The following GALNTL6 variants were observed in gnomAD, a reference collection of about 807,000 sequenced individuals.
The protein encoded by GALNTL6 is polypeptide N-acetylgalactosaminyltransferase like 6.
Under a neutral mutation model 73.7 loss-of-function variants are expected in GALNTL6, and 46 were observed. That is an observed-to-expected ratio of 0.62 (90% CI 0.49 to 0.80). The LOEUF (loss-of-function observed/expected upper bound fraction) is 0.80. Ranked by LOEUF, GALNTL6 falls within the 30% of genes least tolerant of loss-of-function variation. GALNTL6 has a pLI of 0.00. For synonymous variants in GALNTL6, 259 were observed against 263.7 expected, an observed-to-expected ratio of 0.98 and a Z score of 0.17; for missense variants, 604 against 755.0, an observed-to-expected ratio of 0.80 and a Z score of 2.34.
intron 2 of GALNTL6, among the ~76,000 whole-genome samples, chr4:171,847,870 C>G (rs975591023): frequency 6.6e-6 from 1 of 152,120 alleles, no homozygotes; most frequent in African/African-American, 2.4e-5. Flanking sequence ...CAAAGTCATC[C>G]ATGAGCATTG....
At chr4:172,036,026 A>G (rs1323729685) in intron 2 of GALNTL6, among the ~76,000 whole-genome samples, 13 of 152,108 alleles carry the variant, frequency 8.5e-5, no homozygotes, top group Admixed American at 5.9e-4. Flanking sequence ...ATTTCAGAAA[A>G]TTTTGTTAAC....
At chr4:172,882,951 A>G in intron 8 of GALNTL6, 44 bp downstream of exon 8, 2 of 1,036,448 alleles carry the variant, frequency 1.9e-6, no homozygotes, top group South Asian at 2.8e-5. Context: ...TATAATTTTG[A>G]CAATTCTGAT....
chr4:171,823,331 C>T (rs1012953776), intron 2 of GALNTL6, among the ~76,000 whole-genome samples: 3 of 151,892 alleles, frequency 2.0e-5, no homozygotes, highest in African/African-American at 7.3e-5. Context: ...GGCTGATGCC[C>T]TGAGAGATTG....
intron 3 of GALNTL6, among the ~76,000 whole-genome samples, chr4:172,278,297 C>T (rs1388096852): frequency 6.6e-6 from 1 of 152,050 alleles, no homozygotes; most frequent in Non-Finnish European, 1.5e-5. Flanking sequence ...AAAAAGCACG[C>T]CTTTTGTTTT....
chr4:172,168,917 C>A (rs955388289), intron 2 of GALNTL6, among the ~76,000 whole-genome samples: 1 of 151,916 alleles, frequency 6.6e-6, no homozygotes, highest in Non-Finnish European at 1.5e-5. Context: ...TATATCATAC[C>A]CCAAACATCA....
At chr4:171,960,791 T>A (rs1739199591) in intron 2 of GALNTL6, among the ~76,000 whole-genome samples, 1 of 151,458 alleles carries the variant, frequency 6.6e-6, no homozygotes, top group Non-Finnish European at 1.5e-5. Flanking sequence ...TGTGACAATC[T>A]GGTGTTGAAC....
intron 5 of GALNTL6, among the ~76,000 whole-genome samples, chr4:172,805,987 A>C (rs1740935455): frequency 6.6e-6 from 1 of 152,212 alleles, no homozygotes; most frequent in Non-Finnish European, 1.5e-5. Context: ...TTTTAAAATA[A>C]GAAAAAGAGA....
Position 172,438,000 on chromosome 4 carries a change from T to C in GALNTL6, c.553+89311T>C, listed in dbSNP as rs76999680. On this transcript the variant is annotated intron_variant, in intron 5 of 12. Transcript: ENST00000506823. ...TTCACTCCTTTCTTCAAGAGGATAT[T>C]AATCAAAAGCCCTCATATTTGCAAG... 7.4e-3 allele frequency among the ~76,000 whole-genome samples: 1,127 copies of C among 152,236 alleles called. 19 individuals are homozygous for C. Among genetic ancestry groups the C allele is most frequent in the African/African-American group, 0.025 (1,059 of 41,550 alleles).
intron 2 of GALNTL6, among the ~76,000 whole-genome samples, chr4:172,136,295 T>C (rs1040533701): frequency 2.0e-5 from 3 of 152,112 alleles, no homozygotes; most frequent in Non-Finnish European, 2.9e-5. Context: ...CTAGATCACA[T>C]TGAAAAATGC....
At chr4:172,905,056 T>C (rs1267484047) in intron 8 of GALNTL6, among the ~76,000 whole-genome samples, 1 of 152,202 alleles carries the variant, frequency 6.6e-6, no homozygotes, top group African/African-American at 2.4e-5. Context: ...TCTATGGCGA[T>C]GATAACTATA....
chr4:172,802,459 A>G (rs1257666965), intron 5 of GALNTL6, among the ~76,000 whole-genome samples: 1 of 152,144 alleles, frequency 6.6e-6, no homozygotes, highest in Non-Finnish European at 1.5e-5. Flanking sequence ...AGTTGTATTG[A>G]GAGTCTAAAG....
intron 5 of GALNTL6, among the ~76,000 whole-genome samples, chr4:172,408,187 G>A (rs902949716): frequency 6.6e-6 from 1 of 152,004 alleles, no homozygotes; most frequent in African/African-American, 2.4e-5. Flanking sequence ...TATTATGTGA[G>A]AATAGTGGAA....
At chr4:172,886,439 G>T (rs149773091) in intron 8 of GALNTL6, among the ~76,000 whole-genome samples, 1 of 152,062 alleles carries the variant, frequency 6.6e-6, no homozygotes, top group Admixed American at 6.6e-5. Flanking sequence ...TCCATTCTTA[G>T]TCTGGCTAAA....
At chr4:172,258,354 A>C (rs1478038501) in intron 3 of GALNTL6, among the ~76,000 whole-genome samples, 1 of 151,252 alleles carries the variant, frequency 6.6e-6, no homozygotes, top group African/African-American at 2.4e-5. Context: ...GAAGTTGCAC[A>C]CAAACACGTT....
chr4:173,038,417 G>A (rs1017408129), intron 12 of GALNTL6, among the ~76,000 whole-genome samples: 13 of 152,114 alleles, frequency 8.5e-5, no homozygotes, highest in African/African-American at 3.1e-4. Context: ...CCTTCCTCCT[G>A]GAAGCTGCTT....
chr4:171,938,023 G>C (rs953044389), intron 2 of GALNTL6, among the ~76,000 whole-genome samples: 1 of 152,004 alleles, frequency 6.6e-6, no homozygotes, highest in Non-Finnish European at 1.5e-5. Context: ...TATAAACCTA[G>C]TTATTTCCAT....
intron 2 of GALNTL6, among the ~76,000 whole-genome samples, chr4:172,012,242 C>T (rs1233951517): frequency 6.6e-6 from 1 of 152,056 alleles, no homozygotes; most frequent in Non-Finnish European, 1.5e-5. Context: ...TCCACCTAAA[C>T]AGTGTCACCA....
chr4:172,031,270 A>G (rs1579074533), intron 2 of GALNTL6, among the ~76,000 whole-genome samples: 1 of 152,124 alleles, frequency 6.6e-6, no homozygotes, highest in East Asian at 1.9e-4. Context: ...AAAATTAAGT[A>G]TGTTTACTCC....
At chr4:172,132,812 AATCT>A (rs1313405534) in intron 2 of GALNTL6, among the ~76,000 whole-genome samples, 3 of 152,170 alleles carry the variant, frequency 2.0e-5, no homozygotes, top group African/African-American at 7.2e-5. Context: ...TACTCTTATG[AATCT>A]ATCTCTCATA....
Sources: allele counts gnomAD v4.1 joint callset (sites outside exome capture counted in the v4.1 genomes callset), GRCh38; gene constraint gnomAD v4.1.1; transcripts MANE v1.5; gene names NCBI Gene and HGNC (gene_info 2026-07-23, HGNC 2026-07-21).